AGBL4: variants seen among roughly 807,000 people sequenced by gnomAD.
AGBL4 encodes the protein cytosolic carboxypeptidase 6.
A neutral mutation model predicts 66.4 loss-of-function variants in AGBL4; 58 were observed. The observed-to-expected ratio is 0.87, with a 90% CI of 0.71 to 1.09. The LOEUF (loss-of-function observed/expected upper bound fraction) is 1.09. AGBL4 is among the 50% of genes least tolerant of loss of function. AGBL4 has a pLI of 0.00. For synonymous variants in AGBL4, 234 were observed against 222.9 expected (o/e 1.05, Z -0.44); for missense variants, 579 against 631.0 (o/e 0.92, Z 0.88).
chr1:49,834,542 T>A (rs1015250396), intron 2 of AGBL4, among the ~76,000 whole-genome samples: 2 of 152,162 alleles, frequency 1.3e-5, no homozygotes, highest in East Asian at 3.9e-4. Context: ...AGTTCATGGA[T>A]TCATTGAAGG....
chr1:49,060,835 G>A (rs1644390335), intron 4 of AGBL4, among the ~76,000 whole-genome samples: 1 of 152,186 alleles, frequency 6.6e-6, no homozygotes, highest in Non-Finnish European at 1.5e-5. Flanking sequence ...ACTGAACTGA[G>A]CCCCCAGTGG....
chr1:49,250,962 C>T (rs971303637), intron 3 of AGBL4, among the ~76,000 whole-genome samples: 9 of 152,140 alleles, frequency 5.9e-5, no homozygotes, highest in African/African-American at 2.2e-4. Flanking sequence ...CCAGGGACCA[C>T]CATCCCCCTA....
At chr1:49,434,683 A>AGTGGTGGTGGTG (rs1281756367) in intron 3 of AGBL4, among the ~76,000 whole-genome samples, 10 of 141,530 alleles carry the variant, frequency 7.1e-5, no homozygotes, top group Non-Finnish European at 1.4e-4. Flanking sequence ...TAGTGGTGGT[A>AGTGGTGGTGGTG]GTGGTGGTGG....
intron 2 of AGBL4, among the ~76,000 whole-genome samples, chr1:49,727,337 G>GAT (rs200267042): frequency 2.0e-5 from 3 of 151,952 alleles, no homozygotes; most frequent in East Asian, 3.9e-4. Context: ...ACAAGACTGG[G>GAT]ATATATATAT....
intron 4 of AGBL4, among the ~76,000 whole-genome samples, chr1:49,176,431 A>G (rs1646833185): frequency 6.6e-6 from 1 of 152,104 alleles, no homozygotes; most frequent in Admixed American, 6.6e-5. Flanking sequence ...CATACACACC[A>G]CACTCCACGA....
intron 2 of AGBL4, among the ~76,000 whole-genome samples, chr1:49,731,050 T>G (rs373381916): frequency 6.6e-6 from 1 of 152,114 alleles, no homozygotes; most frequent in South Asian, 2.1e-4. Context: ...TGGTTGGGTT[T>G]GGTTAATGGA....
chr1:49,905,451 A>T (rs1012288661), intron 1 of AGBL4, among the ~76,000 whole-genome samples: 3 of 152,242 alleles, frequency 2.0e-5, no homozygotes, highest in South Asian at 4.1e-4. Flanking sequence ...AGCAAGTCAA[A>T]CCCTTCCCTT....
In AGBL4 at chr1:49,249,029, C is replaced by A. The variant is rs1309423479; in HGVS notation, c.283-3165G>T. On this transcript the variant is annotated intron_variant, in intron 3 of 13. Coordinates refer to ENST00000371839, the MANE Select transcript of AGBL4 (RefSeq NM_032785.4). ...CCTGACCAAGGGGCTCATGGTGCTACTGAAAATGTGAAAGCTCCATTCCAG... is the reference window on the plus strand; with the variant it reads ...CCTGACCAAGGGGCTCATGGTGCTAATGAAAATGTGAAAGCTCCATTCCAG... Among the ~76,000 whole-genome samples the A allele has an allele frequency of 2.0e-5, 3 of 152,092 alleles. No individual in the cohort carries two copies. In the East Asian group the frequency reaches 5.8e-4, roughly 29 times the overall value.
chr1:49,177,626 A>C lies in AGBL4; in HGVS notation c.377+68144T>G, dbSNP rs563955572. The stretch of plus-strand genomic sequence containing the variant: ...CAGCGTGAAGCTCTGCACTCAGTGG[A>C]ATTGAGTGCCATGTCTTCTGCCTGG... On this transcript the variant is annotated intron_variant, in intron 4 of 13. Transcript: ENST00000371839. Among the ~76,000 whole-genome samples the C allele has an allele frequency of 1.9e-3, 285 of 152,184 alleles. 10 individuals carry two copies. In the South Asian group the frequency reaches 0.057, roughly 31 times the overall value.
intron 5 of AGBL4, among the ~76,000 whole-genome samples, chr1:48,949,229 C>T (rs905561529): frequency 1.3e-5 from 2 of 152,202 alleles, no homozygotes; most frequent in African/African-American, 4.8e-5. Context: ...TTTCCCTCAC[C>T]TCTGCATAGG....
intron 9 of AGBL4, among the ~76,000 whole-genome samples, chr1:48,594,909 G>A (rs751486473): frequency 7.9e-5 from 12 of 152,042 alleles, no homozygotes; most frequent in South Asian, 2.1e-4. Context: ...GTAGCTACAC[G>A]TAAAAAAATG....
chr1:49,887,429 A>G (rs1465161369), intron 1 of AGBL4, among the ~76,000 whole-genome samples: 2 of 152,046 alleles, frequency 1.3e-5, no homozygotes, highest in Admixed American at 6.6e-5. Context: ...GAATCTGGAA[A>G]AGATAAGTTG....
chr1:49,447,760 T>C (rs552087196), intron 3 of AGBL4, among the ~76,000 whole-genome samples: 1 of 152,318 alleles, frequency 6.6e-6, no homozygotes, highest in Admixed American at 6.5e-5. Context: ...CCTTTGGGTT[T>C]CTGGCTGATC....
intron 2 of AGBL4, among the ~76,000 whole-genome samples, chr1:49,761,190 T>C (rs1652284774): frequency 6.6e-6 from 1 of 152,104 alleles, no homozygotes; most frequent in Non-Finnish European, 1.5e-5. Context: ...TACTGAATTT[T>C]ACTTTAATTA....
At chr1:48,541,784 A>G (rs992999480) in intron 11 of AGBL4, among the ~76,000 whole-genome samples, 4 of 152,252 alleles carry the variant, frequency 2.6e-5, no homozygotes, top group African/African-American at 7.2e-5. Flanking sequence ...AAAAAATAAA[A>G]AAATAAAATA....
intron 6 of AGBL4, among the ~76,000 whole-genome samples, chr1:48,748,688 T>C (rs1479437744): frequency 6.6e-6 from 1 of 152,054 alleles, no homozygotes; most frequent in Non-Finnish European, 1.5e-5. Context: ...AAGGGTGCAA[T>C]GTGATGATCT....
intron 3 of AGBL4, among the ~76,000 whole-genome samples, chr1:49,533,920 G>T (rs537696882): frequency 6.6e-6 from 1 of 152,064 alleles, no homozygotes; most frequent in Non-Finnish European, 1.5e-5. Context: ...CACGCTGCAG[G>T]TTGGGCATAG....
chr1:48,596,517 A>C (rs987441981), intron 9 of AGBL4, among the ~76,000 whole-genome samples: 2 of 152,218 alleles, frequency 1.3e-5, no homozygotes, highest in African/African-American at 4.8e-5. Flanking sequence ...AAAAATTTTC[A>C]GAAAAATTGA....
At chr1:49,683,983 T>C (rs546549762) in intron 3 of AGBL4, among the ~76,000 whole-genome samples, 18 of 152,280 alleles carry the variant, frequency 1.2e-4, no homozygotes, top group African/African-American at 4.1e-4. Flanking sequence ...TCCTGCAGAA[T>C]GGCACAAGAA....
Sources: gnomAD v4.1 joint callset for allele counts (sites outside exome capture counted in the v4.1 genomes callset) on GRCh38, gnomAD v4.1.1 for gene constraint, MANE v1.5 for transcripts, NCBI Gene and HGNC (gene_info 2026-07-23, HGNC 2026-07-21) for gene names.